Variants in ENG observed in about 807,000 individuals in gnomAD.
The protein encoded by ENG is CD105 antigen.
Under a neutral mutation model 71.0 loss-of-function variants are expected in ENG, and 17 were observed. That is an observed-to-expected ratio of 0.24 (90% confidence interval 0.16 to 0.36). ENG has a LOEUF of 0.36. ENG is among the 10% of genes least tolerant of loss of function. The probability of loss-of-function intolerance (pLI) is 1.00; values close to 1 mark genes in which losing one functional copy is unlikely to be tolerated. For synonymous variants in ENG, 360 were observed against 366.9 expected (o/e 0.98, Z 0.21); for missense variants, 749 against 868.3 (o/e 0.86, Z 1.73).
At chr9:127,841,495 A>T (rs1831031643) in intron 2 of ENG, among the ~76,000 whole-genome samples, 1 of 152,218 alleles carries the variant, frequency 6.6e-6, no homozygotes, top group South Asian at 2.1e-4. Context: ...AAATTTGAAA[A>T]AAAAAAATGA....
Position 127,824,341 on chromosome 9 carries a change from T to C in ENG, c.1097A>G (p.Asp366Gly), listed in dbSNP as rs932659087. ...TTTCTTTAGTACCAGGGTCATGGCG[T>C]CGTCGGCACACTTTGTCTGGATCAA... ...MSLIQTKCAD[D>G]AMTLVLKKEL... Residue 366 changes from aspartate (D) to glycine (G), a missense_variant, in exon 8 of 15, where the codon GAC (aspartate) becomes GGC (glycine). Coordinates refer to ENST00000373203, the MANE Select transcript of ENG (RefSeq NM_001114753.3). 6.8e-6 allele frequency: 11 copies of C among 1,613,768 alleles called. No homozygotes were observed. The highest frequency in any genetic ancestry group is 1.3e-5 in the African/African-American group (1 of 74,820).
chr9:127,826,025 C>T (rs544388541), intron 4 of ENG, among the ~76,000 whole-genome samples, 165 bp from the exon 5 acceptor site: 1 of 152,338 alleles, frequency 6.6e-6, no homozygotes, highest in South Asian at 2.1e-4. Flanking sequence ...CACCACTCAC[C>T]TGCCAAGTGA....
At chr9:127,845,919 G>C (rs193124157) in intron 1 of ENG, among the ~76,000 whole-genome samples, 1 of 152,166 alleles carries the variant, frequency 6.6e-6, no homozygotes, top group Admixed American at 6.5e-5. Flanking sequence ...TGTTGCTCAG[G>C]CTGGTCTCAA....
chr9:127,815,629 C>T lies in ENG; in HGVS notation c.*53G>A. The T allele has an allele frequency of 6.5e-7, 1 of 1,535,126 alleles. No homozygotes were observed. The highest frequency in any genetic ancestry group is 1.2e-5 in the South Asian group (1 of 83,656). On this transcript the variant is annotated 3_prime_UTR_variant, in exon 15 of 15. Coordinates refer to ENST00000373203, the MANE Select transcript of ENG (RefSeq NM_001114753.3). The stretch of plus-strand genomic sequence containing the variant: ...CCCAGGGTGAGTTCACACCAGTGCT[C>T]CCAGCTGGCGGCTGCTCAGTCTCTC...
At chr9:127,819,778 T>A in intron 9 of ENG, 118 bp from the exon 10 acceptor site, 1 of 1,604,066 alleles carries the variant, frequency 6.2e-7, no homozygotes, top group Non-Finnish European at 8.5e-7. Context: ...CAAGCTTGTC[T>A]TGTGTTCTGA....
chr9:127,831,139 A>C (rs1830754438), intron 2 of ENG, among the ~76,000 whole-genome samples: 2 of 151,324 alleles, frequency 1.3e-5, no homozygotes, highest in Non-Finnish European at 2.9e-5. Flanking sequence ...TCCTTTCAAC[A>C]ACCTTAAGAC....
At chr9:127,854,195 G>T in intron 1 of ENG, 94 bp downstream of exon 1, 1 of 1,336,618 alleles carries the variant, frequency 7.5e-7, no homozygotes, top group Non-Finnish European at 1.0e-6. Context: ...TGCTGGGCGT[G>T]AGCTCAGGAT....
chr9:127,852,785 G>A (rs958482051), intron 1 of ENG, among the ~76,000 whole-genome samples: 4 of 151,958 alleles, frequency 2.6e-5, no homozygotes, highest in Admixed American at 6.6e-5. Context: ...GAGTACTTAC[G>A]CTGTGAAAAT....
intron 12 of ENG, 24 bp from the exon 13 acceptor site, chr9:127,817,227 A>G: frequency 6.2e-7 from 1 of 1,613,968 alleles, no homozygotes. Context: ...AGAGAGCAGT[A>G]TGTGGCACCT....
At chr9:127,829,268 T>C (rs1198099193) in intron 3 of ENG, among the ~76,000 whole-genome samples, 3 of 152,250 alleles carry the variant, frequency 2.0e-5, no homozygotes, top group Non-Finnish European at 4.4e-5. Flanking sequence ...CCATAACCAC[T>C]GTTAACACGT....
At chr9:127,842,985 C>T (rs1250503883) in intron 2 of ENG, 109 bp downstream of exon 2, 40 of 1,543,334 alleles carry the variant, frequency 2.6e-5, no homozygotes, top group African/African-American at 5.4e-5. Flanking sequence ...GGGGGCCTAA[C>T]GAGGACTCAG....
intron 12 of ENG, 85 bp from the exon 13 acceptor site, chr9:127,817,288 C>A: frequency 7.1e-7 from 1 of 1,415,148 alleles, no homozygotes; most frequent in Non-Finnish European, 9.9e-7. Flanking sequence ...CCCAGCCCAC[C>A]CTAGAGCCTT....
At chr9:127,853,501 G>T (rs1829081949) in intron 1 of ENG, among the ~76,000 whole-genome samples, 1 of 152,116 alleles carries the variant, frequency 6.6e-6, no homozygotes, top group Admixed American at 6.5e-5. Flanking sequence ...TCAGAAAGCA[G>T]CAGAGGCCAT....
In ENG at chr9:127,818,360, G is replaced by A. The variant is rs143945873; in HGVS notation, c.1446C>T (p.Ser482=). The A allele has an allele frequency of 2.6e-5, 42 of 1,613,768 alleles. No individual in the cohort carries two copies. In the Middle Eastern group the frequency reaches 4.9e-4, roughly 19 times the overall value. The change falls in exon 12 of 15, where the codon TCC becomes TCT. Residue 482 remains serine (S), a synonymous_variant. Coordinates refer to ENST00000373203, the MANE Select transcript of ENG (RefSeq NM_001114753.3). ...QSFVQVRVSP[S]VSEFLLQLDS... The stretch of plus-strand genomic sequence containing the variant: ...CTAACTGGAGCAGGAACTCGGAGAC[G>A]GATGGGGACACTCTGACCTGCATGG...
chr9:127,817,531 C>T (rs1330683), intron 12 of ENG, among the ~76,000 whole-genome samples: 3 of 151,918 alleles, frequency 2.0e-5, no homozygotes, highest in Non-Finnish European at 4.4e-5. Context: ...CAGGCTCACT[C>T]TGGCTGGAGG....
intron 1 of ENG, among the ~76,000 whole-genome samples, chr9:127,849,964 C>T (rs898995983): frequency 3.9e-5 from 6 of 152,346 alleles, no homozygotes; most frequent in South Asian, 2.1e-4. Context: ...CTTAGAGCAG[C>T]GTCTAGCATA....
Position 127,815,596 on chromosome 9 carries a change from G to A in ENG, c.*86C>T, listed in dbSNP as rs1830286350. The A allele has an allele frequency of 1.3e-6, 2 of 1,508,030 alleles. No individual in the cohort carries two copies. The highest frequency in any genetic ancestry group is 4.1e-5 in the Admixed American group (2 of 48,786). 93.4% of individuals were successfully genotyped at this position (1,508,030 alleles called of 1,614,324 possible). On this transcript the variant is annotated 3_prime_UTR_variant, in exon 15 of 15. Coordinates refer to ENST00000373203, the MANE Select transcript of ENG (RefSeq NM_001114753.3). ...AGGCTCCATTCTGGGTCGAGTGGAG[G>A]ACTGGCTCCCAGGGTGAGTTCACAC...
intron 8 of ENG, among the ~76,000 whole-genome samples, chr9:127,820,405 G>A (rs570613732): frequency 1.3e-5 from 2 of 151,756 alleles, no homozygotes; most frequent in African/African-American, 4.8e-5. Context: ...ATGTTGGCCA[G>A]GCTGGTCTCA....
At chr9:127,843,688 C>CGT (rs1831097790) in intron 1 of ENG, among the ~76,000 whole-genome samples, 1 of 126,334 alleles carries the variant, frequency 7.9e-6, no homozygotes, top group Non-Finnish European at 1.6e-5. Flanking sequence ...TATATACATA[C>CGT]ATATATACAT....
Sources: gnomAD v4.1 joint callset for allele counts (sites outside exome capture counted in the v4.1 genomes callset) on GRCh38, gnomAD v4.1.1 for gene constraint, MANE v1.5 for transcripts, NCBI Gene and HGNC (gene_info 2026-07-23, HGNC 2026-07-21) for gene names.